Variants in EPB41L3 observed in about 807,000 individuals in gnomAD.
The protein encoded by EPB41L3 is band 4.1-like protein 3.
A neutral mutation model predicts 127.1 loss-of-function variants in EPB41L3; 57 were observed. That is an observed-to-expected ratio of 0.45 (90% CI 0.36 to 0.56). The LOEUF (loss-of-function observed/expected upper bound fraction) is 0.56, where lower values mean the gene tolerates loss of function less well. EPB41L3 is among the 20% of genes least tolerant of loss of function. The pLI is 0.00. For synonymous variants in EPB41L3, 572 were observed against 549.5 expected, an observed-to-expected ratio of 1.04 and a Z score of -0.57; for missense variants, 1,273 against 1,372.2, an observed-to-expected ratio of 0.93 and a Z score of 1.14.
chr18:5,430,985 T>C (rs182905826), intron 8 of EPB41L3, among the ~76,000 whole-genome samples: 26 of 152,298 alleles, frequency 1.7e-4, no homozygotes, highest in Admixed American at 4.6e-4. Flanking sequence ...GTCTCTGTCA[T>C]CATGAAAATA....
chr18:5,489,326 T>G, intron 1 of EPB41L3, 132 bp from the exon 2 acceptor site: 1 of 1,018,626 alleles, frequency 9.8e-7, no homozygotes, highest in South Asian at 1.7e-5. Flanking sequence ...CCCATCCTAT[T>G]CCACACACTG....
Position 5,428,329 on chromosome 18 carries a change from T to C in EPB41L3, c.1049A>G (p.Lys350Arg). 6.2e-7 allele frequency: 1 copy of C among 1,614,204 alleles called. No homozygotes were observed. Among genetic ancestry groups the C allele is most frequent in the Non-Finnish European group, 8.5e-7 (1 of 1,180,044 alleles). The change falls in exon 9 of 23, where the codon AAG becomes AGG. Residue 350 changes from lysine (K) to arginine (R), a missense_variant. Lys to Arg is a conservative substitution (Grantham distance 26, BLOSUM62 2). Around this residue, in one of 3 missense-constraint regions of EPB41L3, gnomAD observed 326 missense variants for 440.2 expected, o/e 0.74. Coordinates refer to ENST00000341928, the MANE Select transcript of EPB41L3 (RefSeq NM_012307.5). ...TATACTTACCTCTCCCGGCCGGATC[T>C]TAATGTAAAAGTTGTTCCGTTTGTA... is the stretch of plus-strand genomic sequence containing the variant. The part of the protein sequence containing the change: ...ISYKRNNFYI[K>R]IRPGEFEQFE...
At chr18:5,614,395 G>T (rs1019175779) in exon 2 of EPB41L3, 1 of 152,076 alleles carries the variant, frequency 6.6e-6, no homozygotes, top group African/African-American at 2.4e-5. Flanking sequence ...AATGTTTATA[G>T]ATGAGCTTCT....
In EPB41L3 at chr18:5,422,618, G is replaced by A. The variant is rs528361619; in HGVS notation, c.1339+760C>T. ...AAGACAGAGACCTAGACATGATTCA[G>A]TTCCAGAGTATTGTTACAGCGGGCA... is the stretch of plus-strand genomic sequence containing the variant. On this transcript the variant is annotated intron_variant, in intron 11 of 22. Coordinates refer to ENST00000341928, the MANE Select transcript of EPB41L3 (RefSeq NM_012307.5). 2.0e-5 allele frequency among the ~76,000 whole-genome samples: 3 copies of A among 152,322 alleles called. No individual in the cohort carries two copies. In the South Asian group the frequency reaches 6.2e-4, roughly 32 times the overall value.
chr18:5,483,580 C>T lies in EPB41L3; in HGVS notation c.184-5142G>A, dbSNP rs138791533. On this transcript the variant is annotated intron_variant, in intron 2 of 22. Transcript: ENST00000341928. ...ACAAGAACCAACTATATGTTAGCTT[C>T]AAGAAATTCACTTCACCCACACAGA... is the stretch of plus-strand genomic sequence containing the variant. 2.6e-3 allele frequency among the ~76,000 whole-genome samples: 393 copies of T among 151,688 alleles called. 4 individuals are homozygous for T. The highest frequency in any genetic ancestry group is 9.2e-3 in the African/African-American group (382 of 41,390).
chr18:5,477,756 G>A (rs1207080645), intron 3 of EPB41L3, among the ~76,000 whole-genome samples: 1 of 151,760 alleles, frequency 6.6e-6, no homozygotes, highest in Non-Finnish European at 1.5e-5. Flanking sequence ...AAACTACAAT[G>A]CCCACCACAA....
intron 1 of EPB41L3, among the ~76,000 whole-genome samples, chr18:5,503,749 G>C (rs59581490): frequency 0.01 from 1,583 of 152,268 alleles, 28 homozygotes; most frequent in African/African-American, 0.036. Context: ...AGTTGGTACA[G>C]CAATTTTAAT....
At chr18:5,595,932 C>T (rs1328980891) in intron 3 of EPB41L3, among the ~76,000 whole-genome samples, 1 of 152,132 alleles carries the variant, frequency 6.6e-6, no homozygotes, top group Non-Finnish European at 1.5e-5. Context: ...CACTCCATCC[C>T]CACATTCTCT....
At chr18:5,565,474 C>CT (rs1163426885) in intron 3 of EPB41L3, among the ~76,000 whole-genome samples, 17 of 150,066 alleles carry the variant, frequency 1.1e-4, no homozygotes, top group African/African-American at 4.2e-4. Context: ...TTTAATTATA[C>CT]TTTAAGTTTT....
At chr18:5,567,236 C>G (rs199514531) in intron 3 of EPB41L3, 3 of 152,324 alleles carry the variant, frequency 2.0e-5, no homozygotes, top group South Asian at 2.1e-4. Flanking sequence ...CAAACCGGCC[C>G]CATCCCCAAG....
rs944120615 is a variant in EPB41L3 at position 5,516,805 on chromosome 18, A to G, written c.-12+27108T>C. 6.6e-5 allele frequency among the ~76,000 whole-genome samples: 10 copies of G among 152,358 alleles called. 1 individual carries two copies. The highest frequency in any genetic ancestry group is 6.5e-4 in the Admixed American group (10 of 15,306). On this transcript the variant is annotated intron_variant, in intron 1 of 22. Transcript: ENST00000341928. ...CTGCACACAAAATCTGCTGATCAGA[A>G]CAGTTAAAACCAGAGTATGGAAAGG...
In EPB41L3 at chr18:5,451,149, T is replaced by C. The variant is rs193164017; in HGVS notation, c.382-5905A>G. 1.7e-4 allele frequency among the ~76,000 whole-genome samples: 26 copies of C among 152,348 alleles called. No homozygotes were observed. The East Asian group carries it at 5.0e-3, about 29-fold the overall frequency. On this transcript the variant is annotated intron_variant, in intron 3 of 22. Coordinates refer to ENST00000341928, the MANE Select transcript of EPB41L3 (RefSeq NM_012307.5). ...TATTTCCTTTTGTCAAAACTATTTG[T>C]TTACCCAGTGACACAGTTTAATTAT...
intron 3 of EPB41L3, among the ~76,000 whole-genome samples, chr18:5,590,098 A>C (rs531050805): frequency 1.3e-5 from 2 of 152,324 alleles, no homozygotes; most frequent in East Asian, 3.9e-4. Context: ...AATGGGAGAA[A>C]GAAGAAGGAC....
At chr18:5,409,960 T>C (rs1280595786) in intron 14 of EPB41L3, among the ~76,000 whole-genome samples, 2 of 152,160 alleles carry the variant, frequency 1.3e-5, no homozygotes, top group African/African-American at 2.4e-5. Flanking sequence ...ATATCTTCTA[T>C]CACTGTTTAA....
chr18:5,529,034 G>A (rs1269944114), intron 1 of EPB41L3: 1 of 152,164 alleles, frequency 6.6e-6, no homozygotes, highest in Non-Finnish European at 1.5e-5. Flanking sequence ...TCATTTCCAT[G>A]ATCATGAGAA....
At chr18:5,531,078 C>A (rs1264878180) in intron 1 of EPB41L3, among the ~76,000 whole-genome samples, 1 of 152,220 alleles carries the variant, frequency 6.6e-6, no homozygotes, top group African/African-American at 2.4e-5. Context: ...TTTTCTCATG[C>A]ATCTTACAGT....
chr18:5,479,688 T>C (rs1599535012), intron 2 of EPB41L3: 1 of 151,754 alleles, frequency 6.6e-6, no homozygotes, highest in South Asian at 2.1e-4. Context: ...GCTGAGCTTA[T>C]GAAAAGAAAG....
At chr18:5,540,047 A>T (rs1280302631) in intron 1 of EPB41L3, among the ~76,000 whole-genome samples, 1 of 152,210 alleles carries the variant, frequency 6.6e-6, no homozygotes, top group African/African-American at 2.4e-5. Context: ...TTTAAAAGAC[A>T]TTACTAATAA....
At chr18:5,544,393 G>A, upstream of EPB41L3, 11 of 848,490 alleles carry the variant, frequency 1.3e-5, no homozygotes, top group Non-Finnish European at 1.6e-5. Flanking sequence ...TTATTTATTG[G>A]CTAGGGACTG....
Sources: gnomAD v4.1 joint callset for allele counts (sites outside exome capture counted in the v4.1 genomes callset) on GRCh38, gnomAD v4.1.1 for gene constraint, gnomAD v4.1.1 regional missense constraint, MANE v1.5 for transcripts, NCBI Gene and HGNC (gene_info 2026-07-23, HGNC 2026-07-21) for gene names.